The following PTPRD variants were observed in gnomAD, a reference collection of about 807,000 sequenced individuals.
PTPRD encodes receptor-type tyrosine-protein phosphatase delta.
A neutral mutation model predicts 214.5 loss-of-function variants in PTPRD; 34 were observed. The ratio of observed to expected loss-of-function variants is 0.16; its 90% confidence interval spans 0.12 to 0.21. The LOEUF is 0.21. PTPRD is among the 10% of genes least tolerant of loss of function. The pLI, the probability that PTPRD is intolerant of heterozygous loss-of-function variation, is 1.00. For missense variants in PTPRD, 2,545 were observed against 2,398.7 expected, an observed-to-expected ratio of 1.06 and a Z score of -1.27; for synonymous variants, 1,128 against 845.7, an observed-to-expected ratio of 1.33 and a Z score of -5.79.
chr9:8,518,515 A>C (rs1158786220), intron 20 of PTPRD, 86 bp from the exon 21 acceptor site: 15 of 962,056 alleles, frequency 1.6e-5, no homozygotes, highest in Non-Finnish European at 2.2e-5. Context: ...TGAAAATGAC[A>C]GGATTATGTA....
chr9:9,299,306 C>G (rs1047125532), intron 9 of PTPRD, among the ~76,000 whole-genome samples: 3 of 151,640 alleles, frequency 2.0e-5, no homozygotes, highest in Admixed American at 1.3e-4. Flanking sequence ...ATTTTGCCCC[C>G]CAGAGGACAT....
intron 2 of PTPRD, among the ~76,000 whole-genome samples, chr9:10,381,600 A>C (rs1178381432): frequency 1.3e-5 from 2 of 152,004 alleles, no homozygotes; most frequent in African/African-American, 4.8e-5. Flanking sequence ...CTAACCTGTT[A>C]TCTGGCTACA....
At chr9:8,520,982 T>C (rs78674710) in intron 20 of PTPRD, among the ~76,000 whole-genome samples, 1 of 152,238 alleles carries the variant, frequency 6.6e-6, no homozygotes, top group Non-Finnish European at 1.5e-5. Context: ...CCCACCATAA[T>C]GGTCGACCAT....
chr9:9,615,499 G>T (rs998954669), intron 7 of PTPRD, among the ~76,000 whole-genome samples: 3 of 152,192 alleles, frequency 2.0e-5, no homozygotes, highest in African/African-American at 4.8e-5. Flanking sequence ...ATCAAGGGTT[G>T]TCTGCTTAGG....
At chr9:8,609,080 A>G (rs2095347201) in intron 14 of PTPRD, among the ~76,000 whole-genome samples, 1 of 152,224 alleles carries the variant, frequency 6.6e-6, no homozygotes, top group African/African-American at 2.4e-5. Flanking sequence ...AAATTCTCAC[A>G]TCTTGTCTCA....
At chr9:10,334,825 A>G (rs2096817208) in intron 3 of PTPRD, among the ~76,000 whole-genome samples, 1 of 151,640 alleles carries the variant, frequency 6.6e-6, no homozygotes. Context: ...TTGAAACTAA[A>G]AATACAATAT....
intron 9 of PTPRD, among the ~76,000 whole-genome samples, chr9:9,299,440 T>C (rs959755954): frequency 8.6e-5 from 13 of 151,698 alleles, no homozygotes; most frequent in African/African-American, 2.9e-4. Flanking sequence ...ACAAAGATTT[T>C]TCCAGTGCAC....
intron 2 of PTPRD, among the ~76,000 whole-genome samples, chr9:10,428,880 G>C (rs2154519868): frequency 6.6e-6 from 1 of 152,060 alleles, no homozygotes; most frequent in African/African-American, 2.4e-5. Context: ...ATATAAGCTG[G>C]AGTCAGACTC....
intron 3 of PTPRD, among the ~76,000 whole-genome samples, chr9:10,094,072 A>T (rs1178090935): frequency 6.6e-6 from 1 of 151,436 alleles, no homozygotes; most frequent in Non-Finnish European, 1.5e-5. Flanking sequence ...CTGCACATGT[A>T]CCTGTTGAAT....
intron 10 of PTPRD, among the ~76,000 whole-genome samples, chr9:9,065,442 G>A (rs991267399): frequency 6.6e-6 from 1 of 152,180 alleles, no homozygotes. Context: ...ACACCAAGGA[G>A]GTCAGTGTGG....
At chr9:10,014,479 GGTT>G (rs1271562563) in intron 4 of PTPRD, among the ~76,000 whole-genome samples, 1 of 151,920 alleles carries the variant, frequency 6.6e-6, no homozygotes, top group African/African-American at 2.4e-5. Context: ...GTATTCAAAT[GGTT>G]GTTTTCTAAT....
At chr9:9,510,300 AT>A in intron 8 of PTPRD, among the ~76,000 whole-genome samples, 1 of 151,152 alleles carries the variant, frequency 6.6e-6, no homozygotes, top group Admixed American at 6.6e-5. Context: ...TTTTAACTGC[AT>A]TCTGTAAGAC....
intron 9 of PTPRD, among the ~76,000 whole-genome samples, chr9:9,307,790 C>G (rs1478685336): frequency 1.3e-5 from 2 of 152,168 alleles, no homozygotes; most frequent in African/African-American, 4.8e-5. Flanking sequence ...TATGATCTAT[C>G]ATTTGTTAAT....
chr9:9,148,907 G>A (rs1175187894), intron 10 of PTPRD, among the ~76,000 whole-genome samples: 2 of 152,176 alleles, frequency 1.3e-5, no homozygotes, highest in Non-Finnish European at 2.9e-5. Context: ...AAATGGTGCA[G>A]TTACAAATAA....
At position 8,573,050 on chromosome 9, in the gene PTPRD, T is replaced by C. The variant is rs1004991421; in HGVS notation, c.353-44271A>G. Among the ~76,000 whole-genome samples, 10 of 152,150 alleles carry C rather than the reference T, an allele frequency of 6.6e-5. No homozygotes were observed. The South Asian group carries it at 8.3e-4, about 13-fold the overall frequency. Reference sequence around the variant, plus strand: ...GCTACATATTTTTGTTCATGATCTGTTGGTTTCTATCAAATTGAATCCTCA... The same window carrying C: ...GCTACATATTTTTGTTCATGATCTGCTGGTTTCTATCAAATTGAATCCTCA... On this transcript the variant is annotated intron_variant, in intron 14 of 45. Transcript: ENST00000381196.
intron 7 of PTPRD, among the ~76,000 whole-genome samples, chr9:9,721,068 G>C (rs1469553501): frequency 2.0e-5 from 3 of 152,016 alleles, no homozygotes; most frequent in African/African-American, 7.2e-5. Context: ...AAAATAATCT[G>C]TACAACAAAC....
intron 14 of PTPRD, among the ~76,000 whole-genome samples, chr9:8,562,400 T>C (rs1297138598): frequency 4.0e-5 from 6 of 151,786 alleles, no homozygotes; most frequent in African/African-American, 1.4e-4. Flanking sequence ...TGGCTTGGTT[T>C]TTCCTTCTCA....
chr9:8,722,489 C>A (rs2098511388), intron 12 of PTPRD, among the ~76,000 whole-genome samples: 1 of 107,068 alleles, frequency 9.3e-6, no homozygotes, highest in Admixed American at 8.7e-5. Context: ...ATCATATAAA[C>A]AATAAAGGGT....
intron 45 of PTPRD, among the ~76,000 whole-genome samples, chr9:8,319,530 A>G (rs1825209567): frequency 6.6e-6 from 1 of 152,066 alleles, no homozygotes; most frequent in African/African-American, 2.4e-5. Flanking sequence ...TTTATATTAT[A>G]GGACTATGAA....
Sources: gnomAD v4.1 joint callset for allele counts (sites outside exome capture counted in the v4.1 genomes callset) on GRCh38, gnomAD v4.1.1 for gene constraint, MANE v1.5 for transcripts, NCBI Gene and HGNC (gene_info 2026-07-23, HGNC 2026-07-21) for gene names.